GDNF: variants seen among roughly 807,000 people sequenced by gnomAD.
GDNF encodes glial cell derived neurotrophic factor, also known as glial cell line-derived neurotrophic factor.
A neutral mutation model predicts 13.7 loss-of-function variants in GDNF; 5 were observed. The ratio of observed to expected loss-of-function variants is 0.36; its 90% CI spans 0.19 to 0.77. The LOEUF (loss-of-function observed/expected upper bound fraction) is 0.77. GDNF is among the 30% of genes least tolerant of loss of function. The pLI, the probability that GDNF is intolerant of heterozygous loss-of-function variation, is 0.51. For missense variants in GDNF, 246 were observed against 274.3 expected, an observed-to-expected ratio of 0.90 and a Z score of 0.73; for synonymous variants, 122 against 112.5, an observed-to-expected ratio of 1.08 and a Z score of -0.53.
Position 37,831,555 on chromosome 5 carries a change from C to A in GDNF, c.151+3091G>T, listed in dbSNP as rs149861858. Among the ~76,000 whole-genome samples, 45 of 152,286 alleles carry A rather than the reference C, an allele frequency of 3.0e-4. No individual in the cohort carries two copies. The East Asian group carries it at 8.5e-3, about 29-fold the overall frequency. On this transcript the variant is annotated intron_variant, in intron 2 of 2. Transcript: ENST00000326524. ...CATGGTCTAAATCATTAGTTCAAGA[C>A]CTTCCTCCCATATAAAGTATCCTCC...
At chr5:37,835,007 C>G (rs1750653927) in intron 1 of GDNF, 185 bp from the exon 2 acceptor site, 3 of 604,748 alleles carry the variant, frequency 5.0e-6, no homozygotes, top group African/African-American at 1.9e-5. Flanking sequence ...CCCTCCTCAG[C>G]GCGCCCCAGG....
chr5:37,839,728 G>C lies in GDNF; in HGVS notation c.-248C>G, dbSNP rs1178980297. On this transcript the variant is annotated 5_prime_UTR_variant, in exon 1 of 3. Transcript: ENST00000326524. The surrounding 1 kb of genome is among the most constrained non-coding windows in gnomAD (Gnocchi z 5.5). Reference sequence around the variant, plus strand: ...CGCCGCCAACAGGGCGAGGGCTGCCGGCAACTCTCCCGCCGGGCCCCCGCA... The same window carrying C: ...CGCCGCCAACAGGGCGAGGGCTGCCCGCAACTCTCCCGCCGGGCCCCCGCA... 1 of 152,212 alleles carries C rather than the reference G, an allele frequency of 6.6e-6. No individual in the cohort carries two copies. The highest frequency in any genetic ancestry group is 2.4e-5 in the African/African-American group (1 of 41,434). 9.4% of individuals were successfully genotyped at this position (152,212 alleles called of 1,614,324 possible).
In GDNF at chr5:37,815,792, T is replaced by C. The variant is rs1561125803; in HGVS notation, c.495A>G (p.Arg165=). The stretch of plus-strand genomic sequence containing the variant: ...CTTTGTCACTCACCAGCCTTCTATT[T>C]CTGGATAAGTTTTTCAATATTTTGT... ...TYDKILKNLS[R]NRRLVSDKVG... Residue 165 remains arginine (R), a synonymous_variant, in exon 3 of 3, where the codon AGA becomes AGG. Coordinates refer to ENST00000326524, the MANE Select transcript of GDNF (RefSeq NM_000514.4). This position sits in a 1 kb window ranked among gnomAD's most constrained non-coding sequence, Gnocchi z 5.0. The C allele has an allele frequency of 1.9e-6, 3 of 1,614,042 alleles. No homozygotes were observed. The highest frequency in any genetic ancestry group is 1.7e-6 in the Non-Finnish European group (2 of 1,180,028).
chr5:37,828,620 G>A lies in GDNF; in HGVS notation c.151+6026C>T, dbSNP rs180809054. On this transcript the variant is annotated intron_variant, in intron 2 of 2. Coordinates refer to ENST00000326524, the MANE Select transcript of GDNF (RefSeq NM_000514.4). ...GAAATATTGGCTTTCGGACCAACATGCTGAGGTTTAAATTCTGGCTTCACC... is the reference window on the plus strand; with the variant it reads ...GAAATATTGGCTTTCGGACCAACATACTGAGGTTTAAATTCTGGCTTCACC... 3.3e-3 allele frequency among the ~76,000 whole-genome samples: 501 copies of A among 152,326 alleles called. 2 individuals carry two copies. Among genetic ancestry groups the A allele is most frequent in the African/African-American group, 0.012 (484 of 41,580 alleles).
chr5:37,821,577 G>T (rs774997910), intron 2 of GDNF, among the ~76,000 whole-genome samples: 5 of 152,194 alleles, frequency 3.3e-5, no homozygotes, highest in Admixed American at 1.3e-4. Flanking sequence ...ATCCTTCAGA[G>T]TGCAACCAAA....
chr5:37,822,103 T>G (rs1750159742), intron 2 of GDNF, among the ~76,000 whole-genome samples: 1 of 152,066 alleles, frequency 6.6e-6, no homozygotes, highest in South Asian at 2.1e-4. Flanking sequence ...TGGCACAAAG[T>G]TGTCTATGAG....
chr5:37,836,508 C>A (rs1182397328), intron 1 of GDNF, among the ~76,000 whole-genome samples: 1 of 152,176 alleles, frequency 6.6e-6, no homozygotes, highest in Non-Finnish European at 1.5e-5. Context: ...CAGCACCGAG[C>A]GCCTCTTGCC....
intron 2 of GDNF, among the ~76,000 whole-genome samples, chr5:37,827,024 T>G (rs1461796074): frequency 2.0e-5 from 3 of 152,130 alleles, no homozygotes; most frequent in Non-Finnish European, 2.9e-5. Flanking sequence ...TTTCCCTACA[T>G]CTAATCATGT....
chr5:37,836,713 C>T (rs1051587796), intron 1 of GDNF, among the ~76,000 whole-genome samples: 11 of 152,330 alleles, frequency 7.2e-5, no homozygotes, highest in Admixed American at 7.2e-4. Flanking sequence ...GGCTGGCGGT[C>T]CGACCGGAGG....
rs1012335174 is a variant in GDNF at position 37,838,979 on chromosome 5, C to T, written c.-27+528G>A. ...GAATGTAGCTTTGCCAGACCTCGCC[C>T]GGAGGAGGTGAGCCCTCCATTTTTA... is the stretch of plus-strand genomic sequence containing the variant. On this transcript the variant is annotated intron_variant, in intron 1 of 2. Coordinates refer to ENST00000326524, the MANE Select transcript of GDNF (RefSeq NM_000514.4). The surrounding 1 kb of genome is among the most constrained non-coding windows in gnomAD (Gnocchi z 4.1). Among the ~76,000 whole-genome samples the T allele has an allele frequency of 1.3e-5, 2 of 152,142 alleles. No homozygotes were observed. Among genetic ancestry groups the T allele is most frequent in the South Asian group, 2.1e-4 (1 of 4,822 alleles).
chr5:37,820,198 G>A lies in GDNF; in HGVS notation c.152-4063C>T, dbSNP rs556770808. Among the ~76,000 whole-genome samples the A allele has an allele frequency of 3.9e-5, 6 of 152,182 alleles. 1 individual carries two copies. In the East Asian group the frequency reaches 1.2e-3, roughly 29 times the overall value. On this transcript the variant is annotated intron_variant, in intron 2 of 2. Transcript: ENST00000326524. The stretch of plus-strand genomic sequence containing the variant: ...AACTGAAGATTAATCAGAAATGAGG[G>A]TAAAACATTACTAAAATTTTAATAT...
intron 2 of GDNF, among the ~76,000 whole-genome samples, chr5:37,818,303 G>C (rs1750004142): frequency 6.6e-6 from 1 of 152,228 alleles, no homozygotes; most frequent in Admixed American, 6.5e-5. Context: ...AGAGGTAATT[G>C]AATCGCAGGG....
At chr5:37,820,809 T>C (rs1027519824) in intron 2 of GDNF, among the ~76,000 whole-genome samples, 3 of 152,216 alleles carry the variant, frequency 2.0e-5, no homozygotes, top group African/African-American at 7.2e-5. Context: ...TTTTGAAAAT[T>C]CCTTCCTTTG....
intron 2 of GDNF, among the ~76,000 whole-genome samples, chr5:37,829,134 CCCA>C (rs1750430877): frequency 6.6e-6 from 1 of 152,194 alleles, no homozygotes; most frequent in Non-Finnish European, 1.5e-5. Flanking sequence ...TCTTCAATTT[CCCA>C]CCACTTCTTA....
In GDNF at chr5:37,814,280, G is replaced by A. The variant is rs1057027312; in HGVS notation, c.*1371C>T. 11 of 152,354 alleles carry A rather than the reference G, an allele frequency of 7.2e-5. No individual in the cohort carries two copies. The highest frequency in any genetic ancestry group is 1.5e-4 in the Non-Finnish European group (10 of 68,042). 9.4% of individuals were successfully genotyped at this position (152,354 alleles called of 1,614,324 possible). On this transcript the variant is annotated 3_prime_UTR_variant, in exon 3 of 3. Transcript: ENST00000326524. ...TTATGCATAGTACAGATAGGTATAC[G>A]TGGAGGGGACTAAGAGCTTAAAGAC...
At chr5:37,835,504 TA>T in intron 1 of GDNF, 1 of 1,497,580 alleles carries the variant, frequency 6.7e-7, no homozygotes, top group Non-Finnish European at 9.0e-7. Flanking sequence ...ATATCTGGTT[TA>T]AGTTACTTAA....
At position 37,813,362 on chromosome 5, in the gene GDNF, C is replaced by G. The variant is rs975214050; in HGVS notation, c.*2289G>C. On this transcript the variant is annotated 3_prime_UTR_variant, in exon 3 of 3. Transcript: ENST00000326524. ...TATTTCATTTAATTGCTAAATCTGT[C>G]ATAGTTTTATACTAGTAGCCACTAA... is the stretch of plus-strand genomic sequence containing the variant. The G allele has an allele frequency of 2.0e-5, 3 of 152,078 alleles. No individual in the cohort carries two copies. Among genetic ancestry groups the G allele is most frequent in the Non-Finnish European group, 4.4e-5 (3 of 68,040 alleles). 9.4% of individuals were successfully genotyped at this position (152,078 alleles called of 1,614,324 possible).
chr5:37,824,935 C>T (rs557778591), intron 2 of GDNF, among the ~76,000 whole-genome samples: 7 of 152,280 alleles, frequency 4.6e-5, no homozygotes, highest in Admixed American at 6.5e-5. Context: ...AAAGTATTTG[C>T]GTTGTAAAAA....
At chr5:37,822,515 G>A (rs1015746693) in intron 2 of GDNF, among the ~76,000 whole-genome samples, 1 of 152,202 alleles carries the variant, frequency 6.6e-6, no homozygotes, top group Non-Finnish European at 1.5e-5. Flanking sequence ...GAGGCCACAG[G>A]ATGCTGCACC....
Sources: gnomAD v4.1 joint callset for allele counts (sites outside exome capture counted in the v4.1 genomes callset) on GRCh38, gnomAD v4.1.1 for gene constraint, Gnocchi (gnomAD v3.1) non-coding constraint, MANE v1.5 for transcripts, NCBI Gene and HGNC (gene_info 2026-07-23, HGNC 2026-07-21) for gene names.